Variants in CD69 observed in about 807,000 individuals in gnomAD.
CD69 encodes early activation antigen CD69.
Under a neutral mutation model 21.4 loss-of-function variants are expected in CD69, and 10 were observed. The observed-to-expected ratio is 0.47, with a 90% CI of 0.29 to 0.79. The LOEUF is 0.79. Among genes scored for constraint, CD69 ranks in the 30% least tolerant of loss-of-function variants. The pLI, the probability that CD69 is intolerant of heterozygous loss-of-function variation, is 0.09. For missense variants in CD69, 204 were observed against 236.9 expected, an observed-to-expected ratio of 0.86 and a Z score of 0.91; for synonymous variants, 63 against 78.2, an observed-to-expected ratio of 0.81 and a Z score of 1.03.
At chr12:9,756,232 T>C in intron 2 of CD69, 65 bp downstream of exon 2, 1 of 1,477,962 alleles carries the variant, frequency 6.8e-7, no homozygotes, top group Admixed American at 1.9e-5. Context: ...CTAATATTGA[T>C]TTCAGCTGGG....
In CD69 at chr12:9,756,100, TA is replaced by T. The variant is rs202207941; in HGVS notation, c.187+196del. 266 of 364,602 alleles carry T rather than the reference TA, an allele frequency of 7.3e-4. 2 individuals carry two copies. In the East Asian group the frequency reaches 0.011, roughly 15 times the overall value. 22.6% of individuals were successfully genotyped at this position (364,602 alleles called of 1,614,324 possible). On this transcript the variant is annotated intron_variant, in intron 2 of 4. Coordinates refer to ENST00000228434, the MANE Select transcript of CD69 (RefSeq NM_001781.2). ...AAATCATAGATACTTTTAATACTTA[TA>T]AAAGTATTACATTAATTATTCAAGG... is the stretch of plus-strand genomic sequence containing the variant.
At chr12:9,757,015 G>A (rs1193123473) in intron 1 of CD69, among the ~76,000 whole-genome samples, 1 of 152,148 alleles carries the variant, frequency 6.6e-6, no homozygotes, top group Non-Finnish European at 1.5e-5. Context: ...GGGAGGCAGA[G>A]GTTGCTGTGA....
intron 2 of CD69, chr12:9,756,096 C>T (rs1866676953): frequency 5.7e-6 from 2 of 350,918 alleles, no homozygotes; most frequent in Middle Eastern, 7.4e-4. Context: ...ACTTTTAATA[C>T]TTATAAAAGT....
rs2121095319 is a variant in CD69 at position 9,752,562 on chromosome 12, C to T, written c.*919G>A. On this transcript the variant is annotated 3_prime_UTR_variant, in exon 5 of 5. Coordinates refer to ENST00000228434, the MANE Select transcript of CD69 (RefSeq NM_001781.2). ...ACTGAACACAAAATACAAACAAATA[C>T]ATTTTATTGCACATAAAAATATTTT... is the stretch of plus-strand genomic sequence containing the variant. 1 of 152,668 alleles carries T rather than the reference C, an allele frequency of 6.6e-6. No homozygotes were observed. The highest frequency in any genetic ancestry group is 1.9e-4 in the East Asian group (1 of 5,194). The allele number at this position is 152,668 out of a possible 1,614,324, so 9.5% of individuals were successfully genotyped here.
rs1866669161 is a variant in CD69, at chr12:9,755,126, G to T, written c.323C>A (p.Ser108Ter). ...ATGTTCAGAACAAGCATTTTGGGCT[G>T]AAGTCCAGCTCCTCTTCACAGTAGA... ...FISTVKRSWT[S>*]AQNACSEHGA... The change falls in exon 3 of 5, where the codon TCA becomes TAA. Residue 108 changes from serine (S) to a stop codon, truncating the protein, a stop_gained. Transcript: ENST00000228434. LOFTEE classifies it high-confidence loss of function. 2 of 1,614,066 alleles carry T rather than the reference G, an allele frequency of 1.2e-6. No individual in the cohort carries two copies. The highest frequency in any genetic ancestry group is 1.7e-6 in the Non-Finnish European group (2 of 1,179,942).
At position 9,760,872 on chromosome 12, in the gene CD69, A is replaced by G; in HGVS notation, c.-52T>C. ...TCTCAGGTCAAGTCAAGCTACAGTG[A>G]AAGTCTTTGCTGGAGCTCTTGTTGA... On this transcript the variant is annotated 5_prime_UTR_variant, in exon 1 of 5. Transcript: ENST00000228434. 2 of 1,468,514 alleles carry G rather than the reference A, an allele frequency of 1.4e-6. No homozygotes were observed. Among genetic ancestry groups the G allele is most frequent in the South Asian group, 1.1e-5 (1 of 88,252 alleles). 91.0% of individuals were successfully genotyped at this position (1,468,514 alleles called of 1,614,324 possible).
At chr12:9,758,822 A>T (rs1218076963) in intron 1 of CD69, among the ~76,000 whole-genome samples, 4 of 152,220 alleles carry the variant, frequency 2.6e-5, no homozygotes, top group Non-Finnish European at 5.9e-5. Context: ...AACACACCCC[A>T]GTGACCCGTG....
intron 1 of CD69, among the ~76,000 whole-genome samples, chr12:9,758,883 G>T (rs1190233253): frequency 2.0e-5 from 3 of 152,056 alleles, no homozygotes; most frequent in Non-Finnish European, 2.9e-5. Flanking sequence ...GTAAGCTTTG[G>T]GATGACTCTC....
Position 9,755,162 on chromosome 12 carries a change from C to T in CD69, c.287G>A (p.Cys96Tyr), listed in dbSNP as rs1177025941. 6.2e-7 allele frequency: 1 copy of T among 1,613,898 alleles called. No homozygotes were observed. Among genetic ancestry groups the T allele is most frequent in the Non-Finnish European group, 8.5e-7 (1 of 1,179,922 alleles). Residue 96 changes from cysteine to tyrosine, a missense_variant, in exon 3 of 5, where the codon TGC (cysteine) becomes TAC (tyrosine). By Grantham distance (194) the Cys-to-Tyr change is radical. Transcript: ENST00000228434. ...CCTCTTCACAGTAGAAATAAAGTAG[C>T]ATTTCCTCTGGTAGCCAACCCAGTC... ...SEDWVGYQRKCYFISTVKRSW... is the reference protein window; with the variant it reads ...SEDWVGYQRKYYFISTVKRSW...
chr12:9,755,088 C>A lies in CD69; in HGVS notation c.361G>T (p.Ala121Ser). 1 of 1,613,922 alleles carries A rather than the reference C, an allele frequency of 6.2e-7. No homozygotes were observed. Among genetic ancestry groups the A allele is most frequent in the African/African-American group, 1.3e-5 (1 of 74,998 alleles). ...ATGTCCTTTTCAGAATCAATGACAG[C>A]AAGAGTAGCACCATGTTCAGAACAA... ...NACSEHGATL[A>S]VIDSEKDMNF... The change falls in exon 3 of 5, where the codon GCT (alanine) becomes TCT (serine). Residue 121 changes from alanine to serine, a missense_variant. By Grantham distance (99) the Ala-to-Ser change is moderately conservative. Coordinates refer to ENST00000228434, the MANE Select transcript of CD69 (RefSeq NM_001781.2).
Position 9,756,426 on chromosome 12 carries a change from G to C in CD69, c.65-7C>G. On this transcript the variant is annotated splice_region_variant and splice_polypyrimidine_tract_variant and intron_variant, in intron 1 of 4. Coordinates refer to ENST00000228434, the MANE Select transcript of CD69 (RefSeq NM_001781.2). ...TGGGGACTGGTGGCATCATCTGGAA[G>C]GGAGAAAGTTGATGATGAGTTCAGG... 2 of 1,611,772 alleles carry C rather than the reference G, an allele frequency of 1.2e-6. No individual in the cohort carries two copies. The highest frequency in any genetic ancestry group is 1.7e-6 in the Non-Finnish European group (2 of 1,178,604).
At position 9,753,351 on chromosome 12, in the gene CD69, TCC is replaced by T; in HGVS notation, c.*128_*129del. ...TCCATAGTTCTGTTTGGAAGAAAATTCCCAAGACACTATAAAATTTTTTTTCA... is the reference window on the plus strand; with the variant it reads ...TCCATAGTTCTGTTTGGAAGAAAATTCAAGACACTATAAAATTTTTTTTCA... On this transcript the variant is annotated 3_prime_UTR_variant, in exon 5 of 5. Transcript: ENST00000228434. 1 of 431,946 alleles carries T rather than the reference TCC, an allele frequency of 2.3e-6. No individual in the cohort carries two copies. Among genetic ancestry groups the T allele is most frequent in the Non-Finnish European group, 4.2e-6 (1 of 237,982 alleles). The allele number at this position is 431,946 out of a possible 1,614,324, so 26.8% of individuals were successfully genotyped here.
chr12:9,756,171 T>C lies in CD69; in HGVS notation c.187+126A>G, dbSNP rs182994448. ...TATTGATTAGGAAATTGGCCATATA[T>C]GGTACATGGGATGATTCTGAATTAG... On this transcript the variant is annotated intron_variant, in intron 2 of 4. Transcript: ENST00000228434. 43 of 709,412 alleles carry C rather than the reference T, an allele frequency of 6.1e-5. No homozygotes were observed. In the Admixed American group the frequency reaches 9.9e-4, roughly 16 times the overall value. 43.9% of individuals were successfully genotyped at this position (709,412 alleles called of 1,614,324 possible).
chr12:9,754,749 T>A (rs1191464123), intron 3 of CD69, 59 bp from the exon 4 acceptor site: 10 of 1,081,710 alleles, frequency 9.2e-6, no homozygotes, highest in Admixed American at 1.7e-5. Context: ...AAGTAGATAG[T>A]AAATCCTGTT....
intron 3 of CD69, 123 bp from the exon 4 acceptor site, chr12:9,754,813 T>C: frequency 2.7e-6 from 2 of 745,034 alleles, no homozygotes; most frequent in Non-Finnish European, 2.4e-6. Flanking sequence ...GTACTCATTC[T>C]ATATAGGATC....
At chr12:9,755,336 A>G in intron 2 of CD69, 75 bp from the exon 3 acceptor site, 1 of 1,212,476 alleles carries the variant, frequency 8.2e-7, no homozygotes, top group Non-Finnish European at 1.2e-6. Context: ...TAGCCTTAGG[A>G]TGCTATGTTG....
chr12:9,755,229 A>ATG lies in CD69; in HGVS notation c.218_219dup (p.Phe74HisfsTer30). On this transcript the variant is annotated frameshift_variant, in exon 3 of 5. Coordinates refer to ENST00000228434, the MANE Select transcript of CD69 (RefSeq NM_001781.2). LOFTEE classifies it high-confidence loss of function. ...ACATGGCTGTCTGATGGCATTGAGAATGTGTATTGGCCTGGACAATTGTAT... is the reference window on the plus strand; with the variant it reads ...ACATGGCTGTCTGATGGCATTGAGAATGTGTGTATTGGCCTGGACAATTGTAT... 6.2e-7 allele frequency: 1 copy of ATG among 1,614,142 alleles called. No homozygotes were observed. Among genetic ancestry groups the ATG allele is most frequent in the Non-Finnish European group, 8.5e-7 (1 of 1,179,972 alleles).
chr12:9,755,055 T>A lies in CD69; in HGVS notation c.387+7A>T. 1 of 1,611,818 alleles carries A rather than the reference T, an allele frequency of 6.2e-7. No homozygotes were observed. Reference sequence around the variant, plus strand: ...ATAGTAGTATTTTATCTTTTTTTTATTCTTACCATGTCCTTTTCAGAATCA... The same window carrying A: ...ATAGTAGTATTTTATCTTTTTTTTAATCTTACCATGTCCTTTTCAGAATCA... On this transcript the variant is annotated splice_region_variant and intron_variant, in intron 3 of 4. Transcript: ENST00000228434.
At chr12:9,760,297 T>C (rs900056070) in intron 1 of CD69, among the ~76,000 whole-genome samples, 1 of 152,270 alleles carries the variant, frequency 6.6e-6, no homozygotes, top group African/African-American at 2.4e-5. Context: ...AACAATGTAA[T>C]TGCTTATGTG....
Sources: gnomAD v4.1 joint callset for allele counts (sites outside exome capture counted in the v4.1 genomes callset) on GRCh38, gnomAD v4.1.1 for gene constraint, MANE v1.5 for transcripts, NCBI Gene and HGNC (gene_info 2026-07-23, HGNC 2026-07-21) for gene names.